The following STAT4 variants were observed in gnomAD, a reference collection of about 807,000 sequenced individuals.
The protein encoded by STAT4 is signal transducer and activator of transcription 4.
STAT4 carries 42 observed loss-of-function variants against 110.5 expected under a neutral mutation model. The observed-to-expected ratio is 0.38, with a 90% CI of 0.30 to 0.49. STAT4 has a LOEUF of 0.49. Among genes scored for constraint, STAT4 ranks in the 20% least tolerant of loss-of-function variants. The pLI is 0.95. For synonymous variants in STAT4, 284 were observed against 302.2 expected, an observed-to-expected ratio of 0.94 and a Z score of 0.63; for missense variants, 632 against 887.9, an observed-to-expected ratio of 0.71 and a Z score of 3.66.
rs1250817549 is a variant in STAT4, at chr2:191,054,951, T to A, written c.1207-417A>T. On this transcript the variant is annotated intron_variant, in intron 13 of 23. Transcript: ENST00000392320. ...AAACTACAGGGCAGTGTGTACCATA[T>A]AGCATAGTAAGCTATTAAATGACAT... Among the ~76,000 whole-genome samples, 4 of 152,132 alleles carry A rather than the reference T, an allele frequency of 2.6e-5. No individual in the cohort carries two copies. In the East Asian group the frequency reaches 7.7e-4, roughly 29 times the overall value.
At chr2:191,080,712 T>C (rs1697442063) in intron 3 of STAT4, among the ~76,000 whole-genome samples, 1 of 152,180 alleles carries the variant, frequency 6.6e-6, no homozygotes, top group South Asian at 2.1e-4. Context: ...CAGATGTCCA[T>C]GGAATCATTG....
intron 3 of STAT4, among the ~76,000 whole-genome samples, chr2:191,106,647 A>AAAAATAAAATAAAATAAAATAAAAT (rs199803507): frequency 4.2e-4 from 53 of 127,308 alleles, no homozygotes; most frequent in African/African-American, 6.7e-4. Flanking sequence ...ACTCCATCTC[A>AAAAATAAAATAAAATAAAATAAAAT]AAAATAAAAT....
At chr2:191,106,702 A>AAAATAAAATAAAATAAAAT (rs1285255213) in intron 3 of STAT4, among the ~76,000 whole-genome samples, 3 of 100,086 alleles carry the variant, frequency 3.0e-5, no homozygotes, top group Non-Finnish European at 7.0e-5. Flanking sequence ...TAAAATAAAA[A>AAAATAAAATAAAATAAAAT]AATGTACTCA....
Position 191,112,248 on chromosome 2 carries a change from A to G in STAT4, c.273+34365T>C, listed in dbSNP as rs1000989937. 6.6e-6 allele frequency among the ~76,000 whole-genome samples: 1 copy of G among 152,248 alleles called. No homozygotes were observed. The highest frequency in any genetic ancestry group is 2.4e-5 in the African/African-American group (1 of 41,466). ...TACATGTATGTAACATTTGGGGTGT[A>G]GACTCTGGATTCAAAGAAAACCAAA... On this transcript the variant is annotated intron_variant, in intron 3 of 23. Transcript: ENST00000392320. This position sits in a 1 kb window ranked among gnomAD's most constrained non-coding sequence, Gnocchi z 4.3.
At position 191,051,786 on chromosome 2, in the gene STAT4, G is replaced by A. The variant is rs1451047024; in HGVS notation, c.1251+2704C>T. On this transcript the variant is annotated intron_variant, in intron 14 of 23. Transcript: ENST00000392320. This position sits in a 1 kb window ranked among gnomAD's most constrained non-coding sequence, Gnocchi z 5.6. Reference sequence around the variant, plus strand: ...GCAGAGGGGCCAGGAGCAGGGACACGGGATCAGACTGCCACGGTTTTATCT... The same window carrying A: ...GCAGAGGGGCCAGGAGCAGGGACACAGGATCAGACTGCCACGGTTTTATCT... Among the ~76,000 whole-genome samples, 2 of 146,272 alleles carry A rather than the reference G, an allele frequency of 1.4e-5. No individual in the cohort carries two copies. Among genetic ancestry groups the A allele is most frequent in the African/African-American group, 2.4e-5 (1 of 40,940 alleles).
rs1390304797 is a variant in STAT4 at position 191,031,004 on chromosome 2, C to G, written c.2188G>C (p.Glu730Gln). The G allele has an allele frequency of 6.2e-7, 1 of 1,613,990 alleles. No individual in the cohort carries two copies. Among genetic ancestry groups the G allele is most frequent in the Non-Finnish European group, 8.5e-7 (1 of 1,179,856 alleles). Residue 730 changes from glutamate to glutamine, a missense_variant, in exon 23 of 24, where the codon GAA (glutamate) becomes CAA (glutamine). By Grantham distance (29) the Glu-to-Gln change is conservative. Transcript: ENST00000392320. The surrounding 1 kb of genome is among the most constrained non-coding windows in gnomAD (Gnocchi z 4.8). ...TCAATTGTTGTGGGACTCAGGTTTT[C>G]TCTCAACACCGCATACACACTTGGA... ...MSPSVYAVLRENLSPTTIETA... is the reference protein window; with the variant it reads ...MSPSVYAVLRQNLSPTTIETA...
chr2:191,063,263 G>A (rs1054401961), intron 8 of STAT4, among the ~76,000 whole-genome samples: 22 of 151,788 alleles, frequency 1.4e-4, no homozygotes, highest in African/African-American at 4.8e-4. Context: ...AAAATGTGGC[G>A]CTCACTAAAG....
intron 3 of STAT4, among the ~76,000 whole-genome samples, chr2:191,084,345 A>G (rs1448312955): frequency 6.6e-6 from 1 of 152,074 alleles, no homozygotes; most frequent in South Asian, 2.1e-4. Flanking sequence ...CCATTAGGAT[A>G]TGATGAAGCC....
rs1376845293 is a variant in STAT4 at position 191,142,850 on chromosome 2, G to T, written c.273+3763C>A. Among the ~76,000 whole-genome samples the T allele has an allele frequency of 3.9e-5, 6 of 152,214 alleles. No individual in the cohort carries two copies. The Middle Eastern group carries it at 0.01, about 259-fold the overall frequency. On this transcript the variant is annotated intron_variant, in intron 3 of 23. Coordinates refer to ENST00000392320, the MANE Select transcript of STAT4 (RefSeq NM_003151.4). This position sits in a 1 kb window ranked among gnomAD's most constrained non-coding sequence, Gnocchi z 4.1. The stretch of plus-strand genomic sequence containing the variant: ...AGAAGGATGAATATTGGAGAGGACA[G>T]GAGATTTTCAGGGGCCATGAAACTC...
intron 3 of STAT4, among the ~76,000 whole-genome samples, chr2:191,088,597 G>A (rs987342748): frequency 2.0e-5 from 3 of 152,068 alleles, no homozygotes; most frequent in African/African-American, 7.2e-5. Context: ...AAGTTTATAT[G>A]GAGAGGCTAA....
At chr2:191,056,848 T>G (rs1350649134) in intron 13 of STAT4, among the ~76,000 whole-genome samples, 2 of 149,484 alleles carry the variant, frequency 1.3e-5, no homozygotes, top group Non-Finnish European at 3.0e-5. Flanking sequence ...AGTGGTGCTA[T>G]CTCAGCTCAC....
intron 4 of STAT4, among the ~76,000 whole-genome samples, chr2:191,074,887 G>A (rs34852769): frequency 6.6e-6 from 1 of 152,116 alleles, no homozygotes; most frequent in Non-Finnish European, 1.5e-5. Flanking sequence ...TTGGCCGGGG[G>A]CGGTGGCTCA....
chr2:191,058,065 T>C lies in STAT4; in HGVS notation c.1159A>G (p.Ile387Val), dbSNP rs368876096. The part of the protein sequence containing the change: ...LCGTNVKAMS[I>V]EESSNGSLSV... ...AGACTCCCATTGGAAGATTCTTCAA[T>C]AGACATGGCTTTGACATTAGTTCCA... is the stretch of plus-strand genomic sequence containing the variant. Residue 387 changes from isoleucine to valine, a missense_variant, in exon 13 of 24, where the codon ATT becomes GTT. Physicochemically the swap from Ile to Val is conservative, Grantham distance 29. This residue lies in a region of STAT4 where 488 missense variants were observed against 632.8 expected (regional missense o/e 0.77). Transcript: ENST00000392320. This position sits in a 1 kb window ranked among gnomAD's most constrained non-coding sequence, Gnocchi z 4.3. 8 of 1,614,092 alleles carry C rather than the reference T, an allele frequency of 5.0e-6. No homozygotes were observed. Among genetic ancestry groups the C allele is most frequent in the East Asian group, 4.5e-5 (2 of 44,846 alleles).
intron 4 of STAT4, among the ~76,000 whole-genome samples, chr2:191,075,117 G>A (rs769873201): frequency 1.3e-4 from 19 of 151,942 alleles, no homozygotes; most frequent in Non-Finnish European, 1.6e-4. Context: ...CCGAGATCAC[G>A]CCACTGTACT....
chr2:191,047,124 A>G (rs192175926), intron 14 of STAT4, among the ~76,000 whole-genome samples: 2 of 152,284 alleles, frequency 1.3e-5, no homozygotes, highest in East Asian at 3.9e-4. Flanking sequence ...AGATTTTGGG[A>G]AGCTTCTGGG....
rs1346128723 is a variant in STAT4, at chr2:191,059,643, A to C, written c.1035-874T>G. 6.6e-6 allele frequency among the ~76,000 whole-genome samples: 1 copy of C among 152,236 alleles called. No individual in the cohort carries two copies. The highest frequency in any genetic ancestry group is 2.4e-5 in the African/African-American group (1 of 41,452). ...GACGTGGCTCTACATAAAAGGAGGG[A>C]GTCCAGGCACACAAATGGAAAACAG... On this transcript the variant is annotated intron_variant, in intron 10 of 23. Transcript: ENST00000392320. This position sits in a 1 kb window ranked among gnomAD's most constrained non-coding sequence, Gnocchi z 4.7.
Position 191,147,825 on chromosome 2 carries a change from A to T in STAT4, c.128+251T>A, listed in dbSNP as rs533242316. On this transcript the variant is annotated intron_variant, in intron 2 of 23. Transcript: ENST00000392320. This position sits in a 1 kb window ranked among gnomAD's most constrained non-coding sequence, Gnocchi z 4.1. ...ATTGATTTGCTTCTTTTTTTAATAC[A>T]TGAAAAATTATTTGGGTTTTTGTTT... 6.6e-6 allele frequency among the ~76,000 whole-genome samples: 1 copy of T among 152,326 alleles called. No individual in the cohort carries two copies. Among genetic ancestry groups the T allele is most frequent in the South Asian group, 2.1e-4 (1 of 4,834 alleles).
chr2:191,092,895 T>C (rs1057026927), intron 3 of STAT4, among the ~76,000 whole-genome samples: 1 of 152,136 alleles, frequency 6.6e-6, no homozygotes, highest in Non-Finnish European at 1.5e-5. Context: ...GGAGATTATA[T>C]CCCACACGTG....
chr2:191,130,685 T>C (rs1699011752), intron 3 of STAT4, among the ~76,000 whole-genome samples: 1 of 151,798 alleles, frequency 6.6e-6, no homozygotes, highest in South Asian at 2.1e-4. Flanking sequence ...GAGCTCCTAC[T>C]TAAATTTTGT....
Sources: allele counts gnomAD v4.1 joint callset (sites outside exome capture counted in the v4.1 genomes callset), GRCh38; gene constraint gnomAD v4.1.1; regional missense constraint gnomAD v4.1.1; non-coding constraint Gnocchi (gnomAD v3.1); transcripts MANE v1.5; gene names NCBI Gene and HGNC (gene_info 2026-07-23, HGNC 2026-07-21).